Variants in NOTCH2 observed in about 807,000 individuals in gnomAD.
NOTCH2 encodes neurogenic locus notch homolog protein 2.
In NOTCH2, 29 loss-of-function variants were observed where a neutral mutation model predicts 235.8. The ratio of observed to expected loss-of-function variants is 0.12; its 90% CI spans 0.09 to 0.17. The LOEUF (loss-of-function observed/expected upper bound fraction) is 0.17. NOTCH2 is among the 10% of genes least tolerant of loss of function. The pLI, the probability that NOTCH2 is intolerant of heterozygous loss-of-function variation, is 1.00. For synonymous variants in NOTCH2, 1,086 were observed against 1,141.5 expected, an observed-to-expected ratio of 0.95 and a Z score of 0.98; for missense variants, 2,285 against 3,150.2, an observed-to-expected ratio of 0.73 and a Z score of 6.57.
At chr1:120,041,775 T>C (rs1654577774) in intron 1 of NOTCH2, among the ~76,000 whole-genome samples, 1 of 117,018 alleles carries the variant, frequency 8.5e-6, no homozygotes, top group Admixed American at 8.6e-5. Context: ...CTAGAAGGGG[T>C]ATTGGCTTTC....
intron 14 of NOTCH2, among the ~76,000 whole-genome samples, chr1:119,952,963 A>G (rs1553197961): frequency 6.6e-6 from 1 of 152,228 alleles, no homozygotes; most frequent in Admixed American, 6.5e-5. Context: ...GGAAGCTTAT[A>G]ATTAGACACT....
rs782259948 is a variant in NOTCH2 at position 119,997,092 on chromosome 1, T to C, written c.656A>G (p.Asp219Gly). 1 of 1,613,874 alleles carries C rather than the reference T, an allele frequency of 6.2e-7. No homozygotes were observed. Among genetic ancestry groups the C allele is most frequent in the Admixed American group, 1.7e-5 (1 of 59,996 alleles). ...CPQGFTGQYC[D>G]SLYVPCAPSP... ...GGGTGCACAGGGCACATACAGGCTG[T>C]CACAGTACTGGCCTGTGAAGCCCTG... Residue 219 changes from aspartate (D) to glycine (G), a missense_variant, in exon 4 of 34, where the codon GAC becomes GGC. Coordinates refer to ENST00000256646, the MANE Select transcript of NOTCH2 (RefSeq NM_024408.4).
intron 2 of NOTCH2, among the ~76,000 whole-genome samples, chr1:120,007,017 T>C (rs1315146860): frequency 4.6e-5 from 7 of 152,256 alleles, no homozygotes; most frequent in Admixed American, 4.6e-4. Flanking sequence ...GGGTGGTGAA[T>C]AGCTATAGTG....
intron 2 of NOTCH2, among the ~76,000 whole-genome samples, chr1:120,012,539 GTCTT>G (rs1230263927): frequency 6.6e-6 from 1 of 151,954 alleles, no homozygotes; most frequent in Non-Finnish European, 1.5e-5. Context: ...ATCATATTGA[GTCTT>G]TACTCCAAGT....
At chr1:119,999,178 G>A (rs1211190107) in intron 3 of NOTCH2, among the ~76,000 whole-genome samples, 3 of 148,970 alleles carry the variant, frequency 2.0e-5, no homozygotes, top group South Asian at 2.2e-4. Context: ...ATAGCAGCAC[G>A]ATTTATAATT....
At chr1:119,999,336 C>T (rs1441342733) in intron 3 of NOTCH2, among the ~76,000 whole-genome samples, 15 of 146,294 alleles carry the variant, frequency 1.0e-4, no homozygotes, top group East Asian at 6.0e-4. Context: ...GAAAAAGATG[C>T]GAGATGTGAC....
chr1:119,985,213 G>C (rs1339891207), intron 5 of NOTCH2, among the ~76,000 whole-genome samples: 1 of 151,848 alleles, frequency 6.6e-6, no homozygotes, highest in Non-Finnish European at 1.5e-5. Flanking sequence ...GGGAATCAAA[G>C]AATTGGCATG....
intron 22 of NOTCH2, chr1:119,935,100 A>T (rs782459522): frequency 1.0e-6 from 1 of 985,260 alleles, no homozygotes; most frequent in Middle Eastern, 5.2e-4. Flanking sequence ...AATTAAAAAA[A>T]TACAAAAGCA....
chr1:119,941,577 G>T lies in NOTCH2; in HGVS notation c.2930C>A (p.Ala977Glu). Residue 977 changes from alanine to glutamate, a missense_variant, in exon 18 of 34, where the codon GCA becomes GAA. Coordinates refer to ENST00000256646, the MANE Select transcript of NOTCH2 (RefSeq NM_024408.4). ...YVNSYTCKCQ[A>E]GFDGVHCENN... ...CTCACAATGGACTCCATCAAATCCT[G>T]CCTGGCACTTGCAAGTGTAACTGTT... The T allele has an allele frequency of 6.2e-7, 1 of 1,614,114 alleles. No individual in the cohort carries two copies. Among genetic ancestry groups the T allele is most frequent in the Non-Finnish European group, 8.5e-7 (1 of 1,180,016 alleles).
At chr1:119,975,385 C>T (rs943082957) in intron 5 of NOTCH2, among the ~76,000 whole-genome samples, 6 of 152,296 alleles carry the variant, frequency 3.9e-5, no homozygotes, top group South Asian at 4.1e-4. Context: ...TGGTGGCTCA[C>T]GCCTATAATT....
intron 11 of NOTCH2, among the ~76,000 whole-genome samples, chr1:119,963,319 G>A (rs1651014848): frequency 1.3e-5 from 2 of 152,134 alleles, no homozygotes; most frequent in Non-Finnish European, 2.9e-5. Context: ...TTTTGAAGTG[G>A]TATGCCTCTA....
chr1:120,012,677 C>T (rs1553207173), intron 2 of NOTCH2, among the ~76,000 whole-genome samples: 3 of 152,204 alleles, frequency 2.0e-5, no homozygotes, highest in African/African-American at 7.2e-5. Flanking sequence ...AACTGATTTG[C>T]CCAAAGTTGG....
intron 29 of NOTCH2, among the ~76,000 whole-genome samples, 162 bp downstream of exon 29, chr1:119,921,551 G>T (rs587727322): frequency 9.2e-5 from 14 of 152,266 alleles, no homozygotes; most frequent in Admixed American, 7.2e-4. Flanking sequence ...ACGTCCTAAG[G>T]ATTCCTGCTG....
chr1:119,983,490 A>G (rs1651896205), intron 5 of NOTCH2, among the ~76,000 whole-genome samples: 1 of 152,204 alleles, frequency 6.6e-6, no homozygotes, highest in Non-Finnish European at 1.5e-5. Context: ...GACAATTACA[A>G]CACATCTCAA....
chr1:119,961,408 C>G (rs1349334533), intron 11 of NOTCH2, among the ~76,000 whole-genome samples: 1 of 152,196 alleles, frequency 6.6e-6, no homozygotes, highest in Non-Finnish European at 1.5e-5. Flanking sequence ...TGACTCCAGC[C>G]CCCTGTCCAT....
chr1:120,063,547 A>C (rs1655393853), intron 1 of NOTCH2, among the ~76,000 whole-genome samples: 1 of 152,238 alleles, frequency 6.6e-6, no homozygotes, highest in African/African-American at 2.4e-5. Flanking sequence ...ATTTCTTTTA[A>C]GACAAAACAA....
rs781814481 is a variant in NOTCH2, at chr1:119,953,563, G to A, written c.2345C>T (p.Thr782Ile). ...TTCACCTTTAAAGCCCTTCTTGCAA[G>A]TACACCTGTATCCATTCACCAGATT... ...CDNLVNGYRC[T>I]CKKGFKGYNC... Residue 782 changes from threonine to isoleucine, a missense_variant, in exon 14 of 34, where the codon ACT becomes ATT. Physicochemically the swap from Thr to Ile is moderately conservative, Grantham distance 89. This residue lies in a region of NOTCH2 where 1,173 missense variants were observed against 1,515.3 expected (regional missense o/e 0.77). Transcript: ENST00000256646. 6.2e-6 allele frequency: 10 copies of A among 1,614,046 alleles called. No individual in the cohort carries two copies. The South Asian group carries it at 1.1e-4, about 18-fold the overall frequency.
chr1:119,937,993 G>A lies in NOTCH2; in HGVS notation c.3201C>T (p.Cys1067=). ...CTTTGTTTTTACATGGAGACCGACT[G>A]CAGAGATTCACCAGGGTCTGAAACA... ...GKNCQTLVNL[C]SRSPCKNKGT... Residue 1067 remains cysteine, a synonymous_variant, in exon 20 of 34, where the codon TGC becomes TGT. Transcript: ENST00000256646. 1 of 1,614,184 alleles carries A rather than the reference G, an allele frequency of 6.2e-7. No individual in the cohort carries two copies.
Position 119,926,589 on chromosome 1 carries a change from G to A in NOTCH2, c.3915C>T (p.Val1305=), listed in dbSNP as rs2101164964. ...GGCAGGGCATCTGGGGACACACATCGACGAAGGTTTCACAGTGCCGGCCTC... is the reference window on the plus strand; with the variant it reads ...GGCAGGGCATCTGGGGACACACATCAACGAAGGTTTCACAGTGCCGGCCTC... ...AFTGRHCETF[V]DVCPQMPCLN... Residue 1305 remains valine, a synonymous_variant, in exon 24 of 34, where the codon GTC becomes GTT. Transcript: ENST00000256646. The A allele has an allele frequency of 7.5e-6, 12 of 1,608,512 alleles. No individual in the cohort carries two copies. The highest frequency in any genetic ancestry group is 3.3e-5 in the South Asian group (3 of 89,990).
Sources: gnomAD v4.1 joint callset for allele counts (sites outside exome capture counted in the v4.1 genomes callset) on GRCh38, gnomAD v4.1.1 for gene constraint, gnomAD v4.1.1 regional missense constraint, MANE v1.5 for transcripts, NCBI Gene and HGNC (gene_info 2026-07-23, HGNC 2026-07-21) for gene names.